The following IGF2R variants were observed in gnomAD, a reference collection of about 807,000 sequenced individuals.
IGF2R encodes cation-independent mannose-6-phosphate receptor.
A neutral mutation model predicts 270.6 loss-of-function variants in IGF2R; 91 were observed. That is an observed-to-expected ratio of 0.34 (90% confidence interval 0.28 to 0.40). The LOEUF (loss-of-function observed/expected upper bound fraction) is 0.40. IGF2R is among the 10% of genes least tolerant of loss of function. The pLI is 1.00. For missense variants in IGF2R, 2,805 were observed against 3,188.3 expected (o/e 0.88, Z 2.90); for synonymous variants, 1,316 against 1,258.9 (o/e 1.05, Z -0.96).
intron 1 of IGF2R, among the ~76,000 whole-genome samples, chr6:159,975,391 A>G (rs1404803780): frequency 1.3e-5 from 2 of 152,082 alleles, no homozygotes; most frequent in Non-Finnish European, 2.9e-5. Context: ...CCGTGCATTC[A>G]ACTATTTGGA....
At chr6:159,981,911 G>T (rs924031640) in intron 1 of IGF2R, among the ~76,000 whole-genome samples, 2 of 152,160 alleles carry the variant, frequency 1.3e-5, no homozygotes, top group Admixed American at 1.3e-4. Context: ...ATACCTCTCA[G>T]GGAAAACCAA....
rs756347633 is a variant in IGF2R, at chr6:160,079,794, A to G, written c.5686+7A>G. On this transcript the variant is annotated splice_region_variant and intron_variant, in intron 38 of 47. Transcript: ENST00000356956. ...GGTGATCGTTGCCCTCCAGGTAAAT[A>G]TTTGCAATGAGGTAAATAAACTTCA... The G allele has an allele frequency of 6.9e-7, 1 of 1,449,590 alleles. No homozygotes were observed. The highest frequency in any genetic ancestry group is 9.1e-7 in the Non-Finnish European group (1 of 1,096,444). The allele number at this position is 1,449,590 out of a possible 1,614,324, so 89.8% of individuals were successfully genotyped here. A position where few individuals can be genotyped will look rare whatever the true frequency, so the allele number is the denominator to read the frequency against.
chr6:160,048,253 G>T, intron 17 of IGF2R, 122 bp from the exon 18 acceptor site: 1 of 938,166 alleles, frequency 1.1e-6, no homozygotes, highest in East Asian at 2.6e-5. Context: ...GCCAACTCCT[G>T]GTAGTGTGAT....
chr6:160,003,723 ATC>A (rs2115194325), intron 2 of IGF2R: 1 of 152,340 alleles, frequency 6.6e-6, no homozygotes, highest in African/African-American at 2.4e-5. Flanking sequence ...ACAGGCAAGA[ATC>A]TCTTTTTTTC....
intron 1 of IGF2R, among the ~76,000 whole-genome samples, chr6:159,978,364 C>T (rs150638992): frequency 3.3e-5 from 5 of 151,558 alleles, no homozygotes; most frequent in African/African-American, 9.6e-5. Context: ...GGATGGGGGC[C>T]GGGGGTCACC....
Position 160,050,875 on chromosome 6 carries a change from G to A in IGF2R, c.2694+223G>A, listed in dbSNP as rs1031600188. On this transcript the variant is annotated intron_variant, in intron 19 of 47. Transcript: ENST00000356956. This position sits in a 1 kb window ranked among gnomAD's most constrained non-coding sequence, Gnocchi z 4.0. The stretch of plus-strand genomic sequence containing the variant: ...AAGTGTAAGCCTCATCTTTTGCTGC[G>A]GAGTTTGAGGCTCTGGTGACATACA... 6.6e-6 allele frequency among the ~76,000 whole-genome samples: 1 copy of A among 152,126 alleles called. No homozygotes were observed. The highest frequency in any genetic ancestry group is 1.5e-5 in the Non-Finnish European group (1 of 68,020).
At chr6:160,101,441 C>A (rs1407203928) in intron 45 of IGF2R, among the ~76,000 whole-genome samples, 1 of 152,166 alleles carries the variant, frequency 6.6e-6, no homozygotes, top group African/African-American at 2.4e-5. Flanking sequence ...CCACCTAGAA[C>A]TGGACGCCAG....
chr6:160,047,144 G>T lies in IGF2R; in HGVS notation c.2052-15G>T. ...CCCTCAGGTCTTTGCTGAGAGAAACGTGTGTTTATTTCAGTGATGAGAAGA... is the reference window on the plus strand; with the variant it reads ...CCCTCAGGTCTTTGCTGAGAGAAACTTGTGTTTATTTCAGTGATGAGAAGA... On this transcript the variant is annotated splice_polypyrimidine_tract_variant and intron_variant, in intron 15 of 47. Coordinates refer to ENST00000356956, the MANE Select transcript of IGF2R (RefSeq NM_000876.4). 1.9e-6 allele frequency: 3 copies of T among 1,612,948 alleles called. No individual in the cohort carries two copies. Among genetic ancestry groups the T allele is most frequent in the African/African-American group, 1.3e-5 (1 of 75,026 alleles).
intron 39 of IGF2R, among the ~76,000 whole-genome samples, chr6:160,081,971 G>A (rs1778992967): frequency 2.0e-5 from 3 of 152,162 alleles, no homozygotes. Flanking sequence ...GTCCTGAGGC[G>A]ACATACATCC....
At position 160,040,708 on chromosome 6, in the gene IGF2R, G is replaced by A. The variant is rs757624285; in HGVS notation, c.1464G>A (p.Ala488=). 180 of 1,613,916 alleles carry A rather than the reference G, an allele frequency of 1.1e-4. No individual in the cohort carries two copies. The highest frequency in any genetic ancestry group is 1.0e-3 in the South Asian group (92 of 91,066). ...TDGKKRYDLS[A]LVRHAEPEQN... is the part of the protein sequence containing the mutation. ...GGAAGAAGCGCTATGACCTGTCCGC[G>A]CTGGTCCGCCATGCAGGTACTGCCC... Residue 488 remains alanine, a synonymous_variant, in exon 11 of 48, where the codon GCG becomes GCA. Coordinates refer to ENST00000356956, the MANE Select transcript of IGF2R (RefSeq NM_000876.4).
At chr6:160,090,245 A>G in intron 44 of IGF2R, 142 bp downstream of exon 44, 1 of 555,440 alleles carries the variant, frequency 1.8e-6, no homozygotes, top group South Asian at 3.2e-5. Context: ...TTTGTTATGA[A>G]TTTCTTGACA....
intron 45 of IGF2R, 60 bp downstream of exon 45, chr6:160,096,685 G>C: frequency 7.5e-7 from 1 of 1,331,594 alleles, no homozygotes; most frequent in Non-Finnish European, 1.0e-6. Flanking sequence ...AAGAATAAGT[G>C]TATGTGTGTT....
chr6:160,008,253 A>G (rs903828891), intron 2 of IGF2R, among the ~76,000 whole-genome samples: 1 of 152,100 alleles, frequency 6.6e-6, no homozygotes, highest in African/African-American at 2.4e-5. Context: ...CCATATGGAA[A>G]ACTATTTTGT....
chr6:160,060,458 G>T, intron 22 of IGF2R, 89 bp from the exon 23 acceptor site: 1 of 1,308,108 alleles, frequency 7.6e-7, no homozygotes, highest in Non-Finnish European at 1.1e-6. Flanking sequence ...GTTGCCAGTG[G>T]CAGCCTTGTC....
chr6:160,099,523 T>C (rs1189283975), intron 45 of IGF2R, among the ~76,000 whole-genome samples: 3 of 152,106 alleles, frequency 2.0e-5, no homozygotes, highest in Admixed American at 6.6e-5. Flanking sequence ...CCCGCTACCA[T>C]GCCCGGCTAA....
chr6:160,050,912 A>AT lies in IGF2R; in HGVS notation c.2694+268dup, dbSNP rs928745259. On this transcript the variant is annotated intron_variant, in intron 19 of 47. Transcript: ENST00000356956. The surrounding 1 kb of genome is among the most constrained non-coding windows in gnomAD (Gnocchi z 4.0). The stretch of plus-strand genomic sequence containing the variant: ...TCTGGTGACATACACTGTTTCCTGG[A>AT]TTTTTTTTCTGAGTCGTACAGACAT... Among the ~76,000 whole-genome samples, 10 of 151,664 alleles carry AT rather than the reference A, an allele frequency of 6.6e-5. No individual in the cohort carries two copies. Among genetic ancestry groups the AT allele is most frequent in the African/African-American group, 2.4e-4 (10 of 41,208 alleles).
At chr6:159,987,149 T>A (rs1190163757) in intron 1 of IGF2R, among the ~76,000 whole-genome samples, 11 of 152,206 alleles carry the variant, frequency 7.2e-5, no homozygotes. Flanking sequence ...AAATTTAGAA[T>A]CCTTTAGTTT....
chr6:160,020,461 G>A (rs1473071324), intron 4 of IGF2R, among the ~76,000 whole-genome samples: 1 of 152,034 alleles, frequency 6.6e-6, no homozygotes, highest in South Asian at 2.1e-4. Flanking sequence ...AAATTCATGT[G>A]GTCCCCCAAA....
At chr6:159,995,024 G>A (rs1282028851) in intron 2 of IGF2R, among the ~76,000 whole-genome samples, 1 of 152,100 alleles carries the variant, frequency 6.6e-6, no homozygotes, top group African/African-American at 2.4e-5. Flanking sequence ...TCTTTCTAGT[G>A]CTTGTAGTGA....
Sources: gnomAD v4.1 joint callset for allele counts (sites outside exome capture counted in the v4.1 genomes callset) on GRCh38, gnomAD v4.1.1 for gene constraint, Gnocchi (gnomAD v3.1) non-coding constraint, MANE v1.5 for transcripts, NCBI Gene and HGNC (gene_info 2026-07-23, HGNC 2026-07-21) for gene names.